FARS2: variants seen among roughly 807,000 people sequenced by gnomAD.
The protein encoded by FARS2 is phenylalanyl-tRNA synthetase 2, mitochondrial.
In FARS2, 40 loss-of-function variants were observed where a neutral mutation model predicts 46.4. The ratio of observed to expected loss-of-function variants is 0.86; its 90% confidence interval spans 0.67 to 1.12. The LOEUF is 1.12. Ranked by LOEUF, FARS2 falls within the 50% of genes most tolerant of loss-of-function variation. The pLI, the probability that FARS2 is intolerant of heterozygous loss-of-function variation, is 0.00. For missense variants in FARS2, 513 were observed against 567.9 expected (o/e 0.90, Z 0.98); for synonymous variants, 234 against 214.9 (o/e 1.09, Z -0.78).
chr6:5,644,383 T>C (rs1776972465), intron 6 of FARS2, among the ~76,000 whole-genome samples: 1 of 152,218 alleles, frequency 6.6e-6, no homozygotes, highest in Admixed American at 6.5e-5. Flanking sequence ...TGGCTATTTT[T>C]TCTTTTGCAT....
At chr6:5,762,898 G>C (rs1762554439) in intron 6 of FARS2, among the ~76,000 whole-genome samples, 1 of 152,212 alleles carries the variant, frequency 6.6e-6, no homozygotes, top group African/African-American at 2.4e-5. Flanking sequence ...AGCTGGGGGA[G>C]GCACCGCTCA....
rs1447070735 is a variant in FARS2 at position 5,727,694 on chromosome 6, AG to A, written c.1218-43595del. On this transcript the variant is annotated intron_variant, in intron 6 of 6. Transcript: ENST00000274680. This position sits in a 1 kb window ranked among gnomAD's most constrained non-coding sequence, Gnocchi z 4.1. ...GTTAAGTCCAGATAAAGTGGGTCTG[AG>A]GAGTTCACAGATTGGAGTGCCACAG... Among the ~76,000 whole-genome samples the A allele has an allele frequency of 6.6e-6, 1 of 152,186 alleles. No individual in the cohort carries two copies. The highest frequency in any genetic ancestry group is 1.5e-5 in the Non-Finnish European group (1 of 68,036).
At chr6:5,449,696 T>C (rs1290416509) in intron 4 of FARS2, among the ~76,000 whole-genome samples, 2 of 152,208 alleles carry the variant, frequency 1.3e-5, no homozygotes, top group Non-Finnish European at 2.9e-5. Context: ...GGATTTTGTG[T>C]GTGTGTGTTT....
chr6:5,411,812 A>G (rs997416719), intron 3 of FARS2, among the ~76,000 whole-genome samples: 2 of 152,162 alleles, frequency 1.3e-5, no homozygotes, highest in Admixed American at 6.5e-5. Context: ...TCTTTAGACT[A>G]TTTTTATGCT....
At chr6:5,419,582 G>C (rs1430648032) in intron 3 of FARS2, among the ~76,000 whole-genome samples, 1 of 152,002 alleles carries the variant, frequency 6.6e-6, no homozygotes, top group Non-Finnish European at 1.5e-5. Flanking sequence ...AATTCTCTAG[G>C]CTTGAAATCC....
intron 4 of FARS2, among the ~76,000 whole-genome samples, chr6:5,522,785 G>A (rs1769225062): frequency 6.6e-6 from 1 of 152,120 alleles, no homozygotes; most frequent in Non-Finnish European, 1.5e-5. Context: ...TAGAGAAATT[G>A]GACCTATTTA....
intron 6 of FARS2, among the ~76,000 whole-genome samples, chr6:5,753,859 G>A (rs1195697604): frequency 6.6e-6 from 1 of 152,150 alleles, no homozygotes; most frequent in East Asian, 1.9e-4. Context: ...GCTGAGAGAG[G>A]ACCTGCCTAC....
intron 4 of FARS2, among the ~76,000 whole-genome samples, chr6:5,433,731 A>G (rs1020689521): frequency 3.3e-5 from 5 of 152,226 alleles, no homozygotes; most frequent in Admixed American, 6.5e-5. Flanking sequence ...AAAGACTTCA[A>G]TGACTACTAG....
intron 1 of FARS2, among the ~76,000 whole-genome samples, chr6:5,289,538 C>T (rs1237531925): frequency 6.6e-6 from 1 of 152,170 alleles, no homozygotes; most frequent in Non-Finnish European, 1.5e-5. Flanking sequence ...AAGTAGTGGT[C>T]CACGACCAGT....
intron 6 of FARS2, among the ~76,000 whole-genome samples, chr6:5,685,036 G>A (rs1757084891): frequency 6.6e-6 from 1 of 152,088 alleles, no homozygotes; most frequent in South Asian, 2.1e-4. Context: ...CCTAAACACC[G>A]TGGAACCCAT....
intron 4 of FARS2, among the ~76,000 whole-genome samples, chr6:5,433,950 T>C (rs1763374714): frequency 6.6e-6 from 1 of 152,236 alleles, no homozygotes; most frequent in Non-Finnish European, 1.5e-5. Flanking sequence ...TGCACGTTAA[T>C]GAGGCTGCTG....
intron 6 of FARS2, among the ~76,000 whole-genome samples, chr6:5,679,655 A>G (rs1287489285): frequency 1.3e-5 from 2 of 152,192 alleles, no homozygotes; most frequent in Non-Finnish European, 2.9e-5. Context: ...TCCACATTGC[A>G]GTTTTGACAG....
intron 4 of FARS2, among the ~76,000 whole-genome samples, chr6:5,534,423 A>G (rs965318886): frequency 2.6e-5 from 4 of 152,182 alleles, no homozygotes; most frequent in African/African-American, 9.7e-5. Flanking sequence ...TGTACCCATT[A>G]AGCATTAACT....
At chr6:5,732,812 C>CAAAA (rs111399257) in intron 6 of FARS2, among the ~76,000 whole-genome samples, 3,846 of 144,758 alleles carry the variant, frequency 0.027, 175 homozygotes, top group African/African-American at 0.093. Flanking sequence ...TCATATCCTT[C>CAAAA]AAAAAAAAAA....
At chr6:5,288,539 G>A (rs1007781743) in intron 1 of FARS2, among the ~76,000 whole-genome samples, 1 of 152,174 alleles carries the variant, frequency 6.6e-6, no homozygotes, top group Non-Finnish European at 1.5e-5. Context: ...ATGCTACTGA[G>A]TTTGATGAGA....
intron 3 of FARS2, among the ~76,000 whole-genome samples, chr6:5,407,925 A>G (rs1426207646): frequency 6.6e-6 from 1 of 152,134 alleles, no homozygotes; most frequent in Non-Finnish European, 1.5e-5. Flanking sequence ...GGTAGAAGGG[A>G]TTCTAGTATT....
chr6:5,622,702 T>C (rs9392703), intron 6 of FARS2, among the ~76,000 whole-genome samples: 71,025 of 152,070 alleles, frequency 0.47, 17,261 homozygotes, highest in East Asian at 0.59. Flanking sequence ...AGAGACAGCC[T>C]TCACCAGACA....
In FARS2 at chr6:5,545,278, G is replaced by A. The variant is rs1422797089; in HGVS notation, c.1003G>A (p.Glu335Lys). 6.2e-7 allele frequency: 1 copy of A among 1,614,108 alleles called. No homozygotes were observed. Among genetic ancestry groups the A allele is most frequent in the Non-Finnish European group, 8.5e-7 (1 of 1,179,964 alleles). Residue 335 changes from glutamate (E) to lysine (K), a missense_variant, in exon 5 of 7, where the codon GAG becomes AAG. Coordinates refer to ENST00000274680, the MANE Select transcript of FARS2 (RefSeq NM_006567.5). Reference sequence around the variant, plus strand: ...CCCTGATATCCGTCTCTTCTGGTGTGAGGACGAGCGCTTCCTGAAGCAGTT... The same window carrying A: ...CCCTGATATCCGTCTCTTCTGGTGTAAGGACGAGCGCTTCCTGAAGCAGTT... ...DIPDIRLFWC[E>K]DERFLKQFCV...
intron 5 of FARS2, among the ~76,000 whole-genome samples, chr6:5,556,410 T>C (rs2150525836): frequency 6.6e-6 from 1 of 152,058 alleles, no homozygotes; most frequent in East Asian, 1.9e-4. Flanking sequence ...ACAGTCCTCC[T>C]GATTCTCAGT....
Sources: allele counts gnomAD v4.1 joint callset (sites outside exome capture counted in the v4.1 genomes callset), GRCh38; gene constraint gnomAD v4.1.1; non-coding constraint Gnocchi (gnomAD v3.1); transcripts MANE v1.5; gene names NCBI Gene and HGNC (gene_info 2026-07-23, HGNC 2026-07-21).